The following NRG3 variants were observed in gnomAD, a reference collection of about 807,000 sequenced individuals.
NRG3 encodes neuregulin 3.
In NRG3, 31 loss-of-function variants were observed where a neutral mutation model predicts 66.9. The observed-to-expected ratio is 0.46, with a 90% CI of 0.35 to 0.63. The LOEUF is 0.63. Among genes scored for constraint, NRG3 ranks in the 20% least tolerant of loss-of-function variants. The pLI is 0.00. For synonymous variants in NRG3, 393 were observed against 359.4 expected (o/e 1.09, Z -1.06); for missense variants, 910 against 878.9 (o/e 1.04, Z -0.45).
At chr10:82,051,982 G>A (rs1309367305) in intron 1 of NRG3, among the ~76,000 whole-genome samples, 2 of 151,834 alleles carry the variant, frequency 1.3e-5, no homozygotes, top group Middle Eastern at 3.2e-3. Context: ...TCACAGCACT[G>A]GCAAATGTAT....
chr10:82,468,276 A>T (rs957695907), intron 2 of NRG3, among the ~76,000 whole-genome samples: 1 of 152,046 alleles, frequency 6.6e-6, no homozygotes, highest in Non-Finnish European at 1.5e-5. Flanking sequence ...CCTCCCTTGC[A>T]TGAGAAGGGT....
intron 3 of NRG3, among the ~76,000 whole-genome samples, chr10:82,851,799 T>A (rs2063573620): frequency 1.3e-5 from 2 of 152,176 alleles, no homozygotes; most frequent in Non-Finnish European, 2.9e-5. Context: ...CTGAAATTTA[T>A]GATATAAAGA....
chr10:82,883,011 T>C (rs1436905234), intron 4 of NRG3, among the ~76,000 whole-genome samples: 4 of 152,190 alleles, frequency 2.6e-5, no homozygotes, highest in Non-Finnish European at 5.9e-5. Context: ...TAAAACAAAA[T>C]AATCTATTTG....
chr10:81,955,997 T>C (rs1177329266), intron 1 of NRG3, among the ~76,000 whole-genome samples: 1 of 152,218 alleles, frequency 6.6e-6, no homozygotes, highest in Non-Finnish European at 1.5e-5. Flanking sequence ...TCATTTGTCC[T>C]GTTGCTTAGA....
intron 1 of NRG3, among the ~76,000 whole-genome samples, chr10:82,355,042 G>A (rs2083687242): frequency 6.6e-6 from 1 of 152,158 alleles, no homozygotes; most frequent in Admixed American, 6.5e-5. Flanking sequence ...AGAAACAGAA[G>A]TTTGATTAAG....
chr10:82,345,127 A>T (rs1373276616), intron 1 of NRG3, among the ~76,000 whole-genome samples: 2 of 140,072 alleles, frequency 1.4e-5, no homozygotes, highest in African/African-American at 6.2e-5. Flanking sequence ...TTTAGACATG[A>T]AGTCCTTGCC....
At chr10:82,688,071 T>C (rs2250544) in intron 2 of NRG3, among the ~76,000 whole-genome samples, 139,567 of 152,242 alleles carry the variant, frequency 0.92, 64,032 homozygotes, top group East Asian at 1. Flanking sequence ...ATGTGCTCAC[T>C]TGCTCTTATC....
At chr10:82,627,044 A>C (rs1044955852) in intron 2 of NRG3, among the ~76,000 whole-genome samples, 7 of 151,980 alleles carry the variant, frequency 4.6e-5, no homozygotes, top group African/African-American at 1.7e-4. Flanking sequence ...TAGTTTAAAT[A>C]ACTCTACAGT....
intron 2 of NRG3, among the ~76,000 whole-genome samples, chr10:82,724,155 AT>A (rs2057463628): frequency 6.6e-6 from 1 of 151,748 alleles, no homozygotes; most frequent in African/African-American, 2.4e-5. Flanking sequence ...CCCCCAACAA[AT>A]TTTCAAACTT....
At chr10:81,892,114 C>G (rs1455992725) in intron 1 of NRG3, among the ~76,000 whole-genome samples, 1 of 152,086 alleles carries the variant, frequency 6.6e-6, no homozygotes, top group Non-Finnish European at 1.5e-5. Context: ...GTCAGATGAA[C>G]TTTGCTTGTT....
intron 2 of NRG3, among the ~76,000 whole-genome samples, chr10:82,488,261 T>A (rs1270010260): frequency 6.6e-6 from 1 of 152,146 alleles, no homozygotes; most frequent in African/African-American, 2.4e-5. Context: ...ACATACAAAC[T>A]CATTTACTCT....
chr10:82,043,907 C>A (rs1157965702), intron 1 of NRG3, among the ~76,000 whole-genome samples: 1 of 151,898 alleles, frequency 6.6e-6, no homozygotes, highest in Admixed American at 6.6e-5. Context: ...AAATAAATAC[C>A]AAAGCTCTTC....
At chr10:82,783,332 A>G (rs553264417) in intron 3 of NRG3, among the ~76,000 whole-genome samples, 72 of 151,168 alleles carry the variant, frequency 4.8e-4, no homozygotes, top group African/African-American at 1.7e-3. Context: ...CTCCTATTCA[A>G]CATAGTGTTG....
At chr10:82,148,245 C>T (rs559528235) in intron 1 of NRG3, among the ~76,000 whole-genome samples, 2 of 152,220 alleles carry the variant, frequency 1.3e-5, no homozygotes, top group South Asian at 4.1e-4. Context: ...CACTTGCAAT[C>T]CCAGCACTTT....
intron 2 of NRG3, among the ~76,000 whole-genome samples, chr10:82,464,873 T>A (rs915530983): frequency 2.0e-5 from 3 of 152,156 alleles, no homozygotes; most frequent in African/African-American, 7.2e-5. Context: ...CAGGAGTGTT[T>A]CCCCCAGCTT....
chr10:82,936,244 G>A (rs992829677), intron 4 of NRG3, among the ~76,000 whole-genome samples: 1 of 152,166 alleles, frequency 6.6e-6, no homozygotes, highest in Admixed American at 6.5e-5. Flanking sequence ...ATATTCTTAG[G>A]TGAAGTAAGA....
intron 2 of NRG3, among the ~76,000 whole-genome samples, chr10:82,478,237 T>TA: frequency 5.0e-5 from 1 of 20,032 alleles, no homozygotes; most frequent in African/African-American, 8.3e-5. Flanking sequence ...CACTCTTTTT[T>TA]TTTTTTTTTT....
rs192973625 is a variant in NRG3, at chr10:82,391,771, C to T, written c.953+32903C>T. On this transcript the variant is annotated intron_variant, in intron 2 of 8. Coordinates refer to ENST00000372141, the MANE Select transcript of NRG3 (RefSeq NM_001010848.4). The stretch of plus-strand genomic sequence containing the variant: ...TAAGCTTTTGTGTGTTTTTTAGTCA[C>T]TCTCCTTCAGTCTCTATACTACAGC... Among the ~76,000 whole-genome samples the T allele has an allele frequency of 9.2e-5, 14 of 152,042 alleles. No homozygotes were observed. In the East Asian group the frequency reaches 2.3e-3, roughly 25 times the overall value.
intron 3 of NRG3, among the ~76,000 whole-genome samples, chr10:82,783,403 G>C (rs2060203270): frequency 6.6e-6 from 1 of 151,508 alleles, no homozygotes; most frequent in African/African-American, 2.4e-5. Flanking sequence ...ATTAGGAAAA[G>C]AGGAAATCAA....
Sources: allele counts gnomAD v4.1 joint callset (sites outside exome capture counted in the v4.1 genomes callset), GRCh38; gene constraint gnomAD v4.1.1; transcripts MANE v1.5; gene names NCBI Gene and HGNC (gene_info 2026-07-23, HGNC 2026-07-21).